Variants in TNFAIP8L1 observed in about 807,000 individuals in gnomAD.
The protein encoded by TNFAIP8L1 is tumor necrosis factor alpha-induced protein 8-like protein 1.
For synonymous variants in TNFAIP8L1, 127 were observed against 125.6 expected (o/e 1.01, Z -0.08); for missense variants, 225 against 266.1 (o/e 0.85, Z 1.08).
chr19:4,648,168 G>A (rs1309757008), intron 1 of TNFAIP8L1, among the ~76,000 whole-genome samples: 6 of 152,212 alleles, frequency 3.9e-5, no homozygotes, highest in South Asian at 2.1e-4. Flanking sequence ...ATAAATGCTC[G>A]TTGAGCCACT....
At chr19:4,644,801 A>G (rs1310118780) in intron 1 of TNFAIP8L1, among the ~76,000 whole-genome samples, 1 of 151,908 alleles carries the variant, frequency 6.6e-6, no homozygotes, top group Non-Finnish European at 1.5e-5. Flanking sequence ...GGGTTTCACC[A>G]TGTTGGCCAG....
chr19:4,642,046 C>T (rs1039119940), intron 1 of TNFAIP8L1: 4 of 152,232 alleles, frequency 2.6e-5, no homozygotes, highest in African/African-American at 7.2e-5. Context: ...GGTGTGGTGT[C>T]GCAGGCCTGT....
In TNFAIP8L1 at chr19:4,645,005, C is replaced by T. The variant is rs1469944116; in HGVS notation, c.-4+5376C>T. On this transcript the variant is annotated intron_variant, in intron 1 of 1. Coordinates refer to ENST00000327473, the MANE Select transcript of TNFAIP8L1 (RefSeq NM_152362.3). The surrounding 1 kb of genome is among the most constrained non-coding windows in gnomAD (Gnocchi z 4.1). ...GGCGGGAAGAGGCCTGAGGCCCCCCCTGGGCCCCCGGACTGAGTGCAGCCG... is the reference window on the plus strand; with the variant it reads ...GGCGGGAAGAGGCCTGAGGCCCCCCTTGGGCCCCCGGACTGAGTGCAGCCG... Among the ~76,000 whole-genome samples, 1 of 152,186 alleles carries T rather than the reference C, an allele frequency of 6.6e-6. No homozygotes were observed. Among genetic ancestry groups the T allele is most frequent in the Non-Finnish European group, 1.5e-5 (1 of 68,032 alleles).
chr19:4,648,547 G>A (rs1410213713), intron 1 of TNFAIP8L1, among the ~76,000 whole-genome samples: 1 of 152,246 alleles, frequency 6.6e-6, no homozygotes, highest in Non-Finnish European at 1.5e-5. Context: ...GTGGGGGCCA[G>A]GAAGGGAGGC....
At chr19:4,647,609 CTTTTTTTTTTT>C (rs57985958) in intron 1 of TNFAIP8L1, among the ~76,000 whole-genome samples, 6 of 80,558 alleles carry the variant, frequency 7.4e-5, no homozygotes, top group South Asian at 9.9e-4. Flanking sequence ...GTGCACCTGG[CTTTTTTTTTTT>C]TTTTTTTTTT....
chr19:4,646,417 G>A (rs1011074604), intron 1 of TNFAIP8L1, among the ~76,000 whole-genome samples: 2 of 151,132 alleles, frequency 1.3e-5, no homozygotes, highest in Admixed American at 6.6e-5. Flanking sequence ...ATGAGCCACC[G>A]CACCTGGCCA....
intron 1 of TNFAIP8L1, among the ~76,000 whole-genome samples, chr19:4,644,927 G>A (rs2088296022): frequency 6.6e-6 from 1 of 152,122 alleles, no homozygotes; most frequent in African/African-American, 2.4e-5. Context: ...TAAAGGGCTT[G>A]GTGCAGTGGG....
chr19:4,649,033 G>A (rs933655662), intron 1 of TNFAIP8L1, among the ~76,000 whole-genome samples: 5 of 150,696 alleles, frequency 3.3e-5, no homozygotes, highest in Non-Finnish European at 7.4e-5. Flanking sequence ...GGGTTCGAGC[G>A]ATTCTCCTGT....
chr19:4,652,230 C>T lies in TNFAIP8L1; in HGVS notation c.361C>T (p.Leu121Phe). Residue 121 changes from leucine to phenylalanine, a missense_variant, in exon 2 of 2, where the codon CTC becomes TTC. Transcript: ENST00000327473. ...FDRRVLAAGL[L>F]ECRDLLHQAV... ...CCGGCGCGTGCTGGCCGCCGGGCTG[C>T]TCGAGTGCCGCGACCTGCTGCACCA... 6.5e-7 allele frequency: 1 copy of T among 1,548,172 alleles called. No individual in the cohort carries two copies. Among genetic ancestry groups the T allele is most frequent in the Non-Finnish European group, 8.7e-7 (1 of 1,149,790 alleles).
chr19:4,653,468 C>A lies in TNFAIP8L1; in HGVS notation c.*1038C>A. On this transcript the variant is annotated 3_prime_UTR_variant, in exon 2 of 2. Coordinates refer to ENST00000327473, the MANE Select transcript of TNFAIP8L1 (RefSeq NM_152362.3). ...CTCGTCTCTACAAAAAAAAAATTATCGTGGTGGGCCGGGCGTGGTGGCTCA... is the reference window on the plus strand; with the variant it reads ...CTCGTCTCTACAAAAAAAAAATTATAGTGGTGGGCCGGGCGTGGTGGCTCA... The A allele has an allele frequency of 6.1e-6, 1 of 164,288 alleles. No homozygotes were observed. The allele number at this position is 164,288 out of a possible 1,614,324, so 10.2% of individuals were successfully genotyped here.
intron 1 of TNFAIP8L1, among the ~76,000 whole-genome samples, chr19:4,650,115 C>T (rs1277748384): frequency 6.6e-6 from 1 of 152,134 alleles, no homozygotes; most frequent in Non-Finnish European, 1.5e-5. Context: ...TGCAGGGACA[C>T]CGTGGATAAG....
Position 4,654,632 on chromosome 19 carries a change from A to G in TNFAIP8L1, c.*2202A>G, listed in dbSNP as rs1330907030. ...GTGCACATTGTAATATCGTGATTTC[A>G]TATTTGGAGAATCAGCAACCAACCA... On this transcript the variant is annotated 3_prime_UTR_variant, in exon 2 of 2. Coordinates refer to ENST00000327473, the MANE Select transcript of TNFAIP8L1 (RefSeq NM_152362.3). The G allele has an allele frequency of 1.3e-5, 2 of 152,176 alleles. No homozygotes were observed. Among genetic ancestry groups the G allele is most frequent in the African/African-American group, 4.8e-5 (2 of 41,426 alleles). 9.4% of individuals were successfully genotyped at this position (152,176 alleles called of 1,614,324 possible).
intron 1 of TNFAIP8L1, among the ~76,000 whole-genome samples, chr19:4,643,138 G>A (rs2088278502): frequency 6.6e-6 from 1 of 151,908 alleles, no homozygotes; most frequent in South Asian, 2.1e-4. Context: ...AATTACCCAG[G>A]CATGGTGGCA....
At chr19:4,651,317 A>C (rs1417336519) in intron 1 of TNFAIP8L1, among the ~76,000 whole-genome samples, 1 of 151,954 alleles carries the variant, frequency 6.6e-6, no homozygotes, top group Non-Finnish European at 1.5e-5. Context: ...TTATAATAAT[A>C]ATCATAATAA....
chr19:4,648,297 A>G (rs761703788), intron 1 of TNFAIP8L1, among the ~76,000 whole-genome samples: 2 of 152,216 alleles, frequency 1.3e-5, no homozygotes, highest in Admixed American at 6.5e-5. Context: ...GTCCCTAGGA[A>G]GGCCCCTGCC....
chr19:4,647,784 G>A (rs1174522536), intron 1 of TNFAIP8L1, among the ~76,000 whole-genome samples: 2 of 151,542 alleles, frequency 1.3e-5, no homozygotes, highest in Admixed American at 6.6e-5. Context: ...CACCATGCCT[G>A]GCTAATTAAA....
chr19:4,651,058 G>C (rs1365835131), intron 1 of TNFAIP8L1, among the ~76,000 whole-genome samples: 1 of 151,970 alleles, frequency 6.6e-6, no homozygotes. Flanking sequence ...AGTGGGACTG[G>C]AGGCACTGCC....
chr19:4,648,924 C>CTTTTTT (rs10526236), intron 1 of TNFAIP8L1, among the ~76,000 whole-genome samples: 3 of 132,470 alleles, frequency 2.3e-5, no homozygotes, highest in Non-Finnish European at 3.2e-5. Flanking sequence ...TGCAAACATC[C>CTTTTTT]TTTTTTTTTT....
intron 1 of TNFAIP8L1, among the ~76,000 whole-genome samples, chr19:4,647,609 CTT>C (rs57985958): frequency 0.019 from 1,526 of 80,484 alleles, 10 homozygotes; most frequent in Middle Eastern, 0.058. Context: ...GTGCACCTGG[CTT>C]TTTTTTTTTT....
Sources: gnomAD v4.1 joint callset for allele counts (sites outside exome capture counted in the v4.1 genomes callset) on GRCh38, gnomAD v4.1.1 for gene constraint, Gnocchi (gnomAD v3.1) non-coding constraint, MANE v1.5 for transcripts, NCBI Gene and HGNC (gene_info 2026-07-23, HGNC 2026-07-21) for gene names.